FIBCD1: variants seen among roughly 807,000 people sequenced by gnomAD.
FIBCD1 encodes fibrinogen C domain containing 1.
In FIBCD1, 47 loss-of-function variants were observed where a neutral mutation model predicts 45.1. The ratio of observed to expected loss-of-function variants is 1.04; its 90% CI spans 0.82 to 1.33. FIBCD1 has a LOEUF of 1.33. Ranked by LOEUF, FIBCD1 falls within the 40% of genes most tolerant of loss-of-function variation. The pLI, the probability that FIBCD1 is intolerant of heterozygous loss-of-function variation, is 0.00. For missense variants in FIBCD1, 653 were observed against 682.2 expected (o/e 0.96, Z 0.48); for synonymous variants, 313 against 308.1 (o/e 1.02, Z -0.17).
chr9:130,914,795 G>T (rs1174411451), intron 4 of FIBCD1, among the ~76,000 whole-genome samples: 1 of 152,214 alleles, frequency 6.6e-6, no homozygotes, highest in Non-Finnish European at 1.5e-5. Context: ...GCCCTGCCCT[G>T]ACTCTTCAGG....
intron 2 of FIBCD1, among the ~76,000 whole-genome samples, chr9:130,927,847 G>T (rs1832383841): frequency 6.6e-6 from 1 of 152,186 alleles, no homozygotes. Context: ...TTTTAGTCGA[G>T]ACGGGGTTTC....
intron 5 of FIBCD1, among the ~76,000 whole-genome samples, chr9:130,908,153 C>G (rs1831967981): frequency 6.6e-6 from 1 of 152,052 alleles, no homozygotes; most frequent in African/African-American, 2.4e-5. Flanking sequence ...ATGTGTTGGA[C>G]AAATGATCGG....
chr9:130,929,247 C>T (rs1832405974), intron 2 of FIBCD1, among the ~76,000 whole-genome samples: 1 of 152,182 alleles, frequency 6.6e-6, no homozygotes, highest in South Asian at 2.1e-4. Context: ...CCCTGCCTCA[C>T]CTGTACCCTG....
chr9:130,906,272 G>T (rs1831927435), intron 5 of FIBCD1, among the ~76,000 whole-genome samples: 2 of 152,190 alleles, frequency 1.3e-5, no homozygotes, highest in African/African-American at 4.8e-5. Context: ...CACTGCTGGT[G>T]TGGTTACTCT....
intron 4 of FIBCD1, among the ~76,000 whole-genome samples, chr9:130,915,702 CAAAAAAAT>C (rs947593147): frequency 1.4e-4 from 21 of 151,846 alleles, no homozygotes; most frequent in Middle Eastern, 3.4e-3. Flanking sequence ...GACTCTGTCT[CAAAAAAAT>C]AAAAAAATAA....
intron 1 of FIBCD1, chr9:130,938,259 C>A (rs985893262): frequency 1.6e-4 from 59 of 377,590 alleles, no homozygotes; most frequent in Non-Finnish European, 2.0e-4. Context: ...TCCCTCTGCA[C>A]CCGCGTGCAC....
At chr9:130,908,703 T>C (rs1322059981) in intron 5 of FIBCD1, among the ~76,000 whole-genome samples, 1 of 152,130 alleles carries the variant, frequency 6.6e-6, no homozygotes, top group African/African-American at 2.4e-5. Context: ...GGACGATGCA[T>C]GGGAAGCGTG....
upstream of FIBCD1, among the ~76,000 whole-genome samples, chr9:130,940,005 C>T (rs925641921): frequency 2.0e-5 from 3 of 152,116 alleles, no homozygotes; most frequent in Non-Finnish European, 4.4e-5. Context: ...CAGACAGACC[C>T]CCGTTCCCCG....
At chr9:130,932,462 A>G (rs985714256) in intron 1 of FIBCD1, among the ~76,000 whole-genome samples, 4 of 152,208 alleles carry the variant, frequency 2.6e-5, no homozygotes, top group Non-Finnish European at 5.9e-5. Flanking sequence ...CCACGCATCA[A>G]GACAATTTAC....
intron 6 of FIBCD1, 37 bp downstream of exon 6, chr9:130,905,196 GC>G: frequency 1.3e-6 from 2 of 1,585,180 alleles, no homozygotes; most frequent in Non-Finnish European, 8.6e-7. Flanking sequence ...CTCCCAGGCC[GC>G]CCCCCTTCCC....
intron 5 of FIBCD1, among the ~76,000 whole-genome samples, chr9:130,908,484 T>G (rs1182570251): frequency 3.3e-5 from 5 of 152,096 alleles, no homozygotes; most frequent in African/African-American, 4.8e-5. Flanking sequence ...TGAGGCAGGG[T>G]CTCCCCATCT....
At chr9:130,921,063 G>A (rs924017945) in intron 4 of FIBCD1, among the ~76,000 whole-genome samples, 4 of 152,342 alleles carry the variant, frequency 2.6e-5, no homozygotes, top group Middle Eastern at 3.4e-3. Flanking sequence ...GCGTGATGCC[G>A]GGGGTGGGGG....
At chr9:130,930,582 C>G (rs565858086) in intron 1 of FIBCD1, among the ~76,000 whole-genome samples, 1 of 152,230 alleles carries the variant, frequency 6.6e-6, no homozygotes, top group East Asian at 1.9e-4. Flanking sequence ...CCACCCACCT[C>G]CCCCCATGCC....
upstream of FIBCD1, among the ~76,000 whole-genome samples, chr9:130,940,132 G>A (rs1187538592): frequency 6.6e-6 from 1 of 152,308 alleles, no homozygotes; most frequent in Non-Finnish European, 1.5e-5. Flanking sequence ...CCCCATCTTC[G>A]TCCCTCTCCC....
At chr9:130,912,392 C>CAAAAA (rs61490832) in intron 4 of FIBCD1, among the ~76,000 whole-genome samples, 14 of 75,716 alleles carry the variant, frequency 1.8e-4, no homozygotes, top group African/African-American at 7.0e-4. Flanking sequence ...GGCTCTCTCT[C>CAAAAA]AAAAAAAAAA....
chr9:130,904,284 G>A lies in FIBCD1; in HGVS notation c.1166C>T (p.Thr389Ile). The change falls in exon 7 of 7, where the codon ACC (threonine) becomes ATC (isoleucine). Residue 389 changes from threonine to isoleucine, a missense_variant. Physicochemically the swap from Thr to Ile is moderately conservative, Grantham distance 89 (BLOSUM62 -1). Coordinates refer to ENST00000372338, the MANE Select transcript of FIBCD1 (RefSeq NM_032843.5). ...TGAATGGTCGCTGTCACGGTCCTTGGTGGTGAACCTCATGCCGCTGTGCTT... is the reference window on the plus strand; with the variant it reads ...TGAATGGTCGCTGTCACGGTCCTTGATGGTGAACCTCATGCCGCTGTGCTT... Reference protein sequence around the residue: ...LLKHSGMRFTTKDRDSDHSEN... With the variant: ...LLKHSGMRFTIKDRDSDHSEN... The A allele has an allele frequency of 6.2e-7, 1 of 1,612,426 alleles. No homozygotes were observed. The highest frequency in any genetic ancestry group is 8.5e-7 in the Non-Finnish European group (1 of 1,179,050).
At position 130,903,003 on chromosome 9, in the gene FIBCD1, T is replaced by G. The variant is rs1412312795; in HGVS notation, c.*1061A>C. ...CCTTGACCACTCGCCGGGCCGGGCC[T>G]GGCCTGGGTCCAGGTGGCCACGGTC... On this transcript the variant is annotated 3_prime_UTR_variant, in exon 7 of 7. Coordinates refer to ENST00000372338, the MANE Select transcript of FIBCD1 (RefSeq NM_032843.5). 6.6e-6 allele frequency: 1 copy of G among 152,248 alleles called. No homozygotes were observed. Among genetic ancestry groups the G allele is most frequent in the Non-Finnish European group, 1.5e-5 (1 of 68,094 alleles). 9.4% of individuals were successfully genotyped at this position (152,248 alleles called of 1,614,324 possible).
chr9:130,937,461 A>C (rs980254127), intron 1 of FIBCD1, among the ~76,000 whole-genome samples: 7 of 152,118 alleles, frequency 4.6e-5, no homozygotes, highest in Non-Finnish European at 1.0e-4. Context: ...GGCTTTGCAA[A>C]CCGCAGAGGG....
rs1008252340 is a variant in FIBCD1 at position 130,905,392 on chromosome 9, A to G, written c.968T>C (p.Leu323Pro). 4 of 1,613,560 alleles carry G rather than the reference A, an allele frequency of 2.5e-6. No individual in the cohort carries two copies. Among genetic ancestry groups the G allele is most frequent in the Non-Finnish European group, 3.4e-6 (4 of 1,179,808 alleles). Residue 323 changes from leucine to proline, a missense_variant, in exon 6 of 7, where the codon CTG (leucine) becomes CCG (proline). Coordinates refer to ENST00000372338, the MANE Select transcript of FIBCD1 (RefSeq NM_032843.5). ...CAGCTCGTAGGCAGCCTGTGTGGTC[A>G]GGGCGTGGATCCTCTTGAGCCCTGA... ...HWLGLKRIHA[L>P]TTQAAYELHV... is the part of the protein sequence containing the mutation.
Sources: allele counts gnomAD v4.1 joint callset (sites outside exome capture counted in the v4.1 genomes callset), GRCh38; gene constraint gnomAD v4.1.1; transcripts MANE v1.5; gene names NCBI Gene and HGNC (gene_info 2026-07-23, HGNC 2026-07-21).